The following NDST1 variants were observed in gnomAD, a reference collection of about 807,000 sequenced individuals.
NDST1 encodes the protein bifunctional heparan sulfate N-deacetylase/N-sulfotransferase 1.
In NDST1, 35 loss-of-function variants were observed where a neutral mutation model predicts 92.8. That is an observed-to-expected ratio of 0.38 (90% CI 0.29 to 0.50). The LOEUF (loss-of-function observed/expected upper bound fraction) is 0.50. NDST1 is among the 20% of genes least tolerant of loss of function. The probability of loss-of-function intolerance (pLI) is 0.94; values close to 1 mark genes in which losing one functional copy is unlikely to be tolerated. For missense variants in NDST1, 822 were observed against 1,182.7 expected, an observed-to-expected ratio of 0.69 and a Z score of 4.47; for synonymous variants, 493 against 500.3, an observed-to-expected ratio of 0.99 and a Z score of 0.19.
rs1418149028 is a variant in NDST1 at position 150,508,328 on chromosome 5, T to TGC, written c.-388+103_-388+104insCG. Reference sequence around the variant, plus strand: ...GTCCTTCCAGGTCCATCTGAGTGTGTGTGTGTGTGTGTGTGTGTGTGTGTC... The same window carrying TGC: ...GTCCTTCCAGGTCCATCTGAGTGTGTGCGTGTGTGTGTGTGTGTGTGTGTGTC... On this transcript the variant is annotated intron_variant, in intron 1 of 14. Transcript: ENST00000261797. The TGC allele has an allele frequency of 1.2e-3, 183 of 149,088 alleles. 1 individual carries two copies. Among genetic ancestry groups the TGC allele is most frequent in the African/African-American group, 4.0e-3 (160 of 39,882 alleles). 9.2% of individuals were successfully genotyped at this position (149,088 alleles called of 1,614,324 possible).
intron 6 of NDST1, 86 bp downstream of exon 6, chr5:150,535,971 G>A (rs950247810): frequency 5.7e-5 from 84 of 1,466,232 alleles, no homozygotes; most frequent in Non-Finnish European, 6.8e-5. Flanking sequence ...TGGTAAGCAC[G>A]GCTCTGGTTT....
At chr5:150,551,613 A>G (rs1755730566) in intron 13 of NDST1, 140 bp from the exon 14 acceptor site, 7 of 1,083,404 alleles carry the variant, frequency 6.5e-6, no homozygotes, top group Non-Finnish European at 8.1e-6. Flanking sequence ...CAGATGGCAC[A>G]TAGCTTCTGA....
In NDST1 at chr5:150,528,201, A is replaced by T; in HGVS notation, c.911A>T (p.Lys304Met). 6.2e-7 allele frequency: 1 copy of T among 1,614,188 alleles called. No homozygotes were observed. The highest frequency in any genetic ancestry group is 1.1e-5 in the South Asian group (1 of 91,086). Residue 304 changes from lysine to methionine, a missense_variant, in exon 3 of 15, where the codon AAG becomes ATG. By Grantham distance (95) the Lys-to-Met change is moderately conservative. Transcript: ENST00000261797. ...FVDAVAFLTG[K>M]RLSLPLDRYI... ...GATGCCGTGGCCTTCCTCACGGGGA[A>T]GCGCCTCTCCCTGCCATTGGACCGC...
At chr5:150,514,644 T>C (rs1753879050) in intron 1 of NDST1, among the ~76,000 whole-genome samples, 1 of 151,594 alleles carries the variant, frequency 6.6e-6, no homozygotes, top group East Asian at 1.9e-4. Context: ...AATTATAATG[T>C]TGTTGGTGTT....
At chr5:150,516,976 AGTGTGTGTGTGTGTGT>A (rs56170880) in intron 1 of NDST1, among the ~76,000 whole-genome samples, 28 of 143,708 alleles carry the variant, frequency 1.9e-4, no homozygotes, top group South Asian at 6.8e-4. Flanking sequence ...GACATTTTCT[AGTGTGTGTGTGTGTGT>A]GTGTGTGTGT....
chr5:150,536,236 A>G (rs1203921101), intron 6 of NDST1, among the ~76,000 whole-genome samples: 2 of 152,134 alleles, frequency 1.3e-5, no homozygotes, highest in Admixed American at 6.5e-5. Context: ...CTGTAATCCT[A>G]GCACTTTGGG....
At chr5:150,533,852 G>A (rs1754859168) in intron 4 of NDST1, among the ~76,000 whole-genome samples, 1 of 151,984 alleles carries the variant, frequency 6.6e-6, no homozygotes, top group African/African-American at 2.4e-5. Flanking sequence ...GGAGGGTGAG[G>A]TGGGCATATT....
Position 150,540,373 on chromosome 5 carries a change from C to CT in NDST1, c.1749+110dup, listed in dbSNP as rs945130811. 6.9e-5 allele frequency: 84 copies of CT among 1,214,896 alleles called. 1 individual carries two copies. In the Admixed American group the frequency reaches 8.1e-4, roughly 12 times the overall value. 75.3% of individuals were successfully genotyped at this position (1,214,896 alleles called of 1,614,324 possible). A position where few individuals can be genotyped will look rare whatever the true frequency, so the allele number is the denominator to read the frequency against. On this transcript the variant is annotated intron_variant, in intron 8 of 14. Coordinates refer to ENST00000261797, the MANE Select transcript of NDST1 (RefSeq NM_001543.5). ...GGCTCAGCCATCATGCCTTCACACTCTCGCTCGAATGTAAACTCAGGTCCC... is the reference window on the plus strand; with the variant it reads ...GGCTCAGCCATCATGCCTTCACACTCTTCGCTCGAATGTAAACTCAGGTCCC...
At chr5:150,499,464 C>A (rs142271032) in intron 1 of NDST1, among the ~76,000 whole-genome samples, 2 of 152,206 alleles carry the variant, frequency 1.3e-5, no homozygotes, top group Non-Finnish European at 2.9e-5. Flanking sequence ...CCTTTGTGGG[C>A]TCTTCTAAGG....
intron 11 of NDST1, 35 bp downstream of exon 11, chr5:150,545,521 A>AACACGGGGTGGAGTCCCTGTGTCGGGG: frequency 1.2e-6 from 2 of 1,608,960 alleles, no homozygotes; most frequent in Non-Finnish European, 8.5e-7. Flanking sequence ...CTGTGTCGGG[A>AACACGGGGTGGAGTCCCTGTGTCGGGG]ACACAGGGCT....
At chr5:150,498,666 T>A (rs80147358) in intron 1 of NDST1, among the ~76,000 whole-genome samples, 5,949 of 152,308 alleles carry the variant, frequency 0.039, 416 homozygotes, top group Admixed American at 0.17. Context: ...CTTTTGTCCC[T>A]CCATTGTCTC....
At chr5:150,537,744 C>T (rs1412550962) in intron 6 of NDST1, among the ~76,000 whole-genome samples, 3 of 152,232 alleles carry the variant, frequency 2.0e-5, no homozygotes, top group African/African-American at 4.8e-5. Context: ...CGTACGCTCC[C>T]TCCCCTTTCG....
chr5:150,534,844 C>T (rs1371051390), intron 4 of NDST1, 23 bp from the exon 5 acceptor site: 3 of 1,614,148 alleles, frequency 1.9e-6, no homozygotes, highest in African/African-American at 2.7e-5. Flanking sequence ...GTGGGTGGTT[C>T]TGAGCTGCCT....
Position 150,535,009 on chromosome 5 carries a change from G to T in NDST1, c.1239G>T (p.Lys413Asn), listed in dbSNP as rs1180877278. ...TGGCCGAGCAGATGGCCTTGAACAA[G>T]AAGTTCGCTGTCGTGAGTAAGATTC... ...SVLAEQMALN[K>N]KFAVEHGIPT... The change falls in exon 5 of 15, where the codon AAG becomes AAT. Residue 413 changes from lysine to asparagine, a missense_variant. Transcript: ENST00000261797. 19 of 1,614,120 alleles carry T rather than the reference G, an allele frequency of 1.2e-5. No individual in the cohort carries two copies. Among genetic ancestry groups the T allele is most frequent in the Non-Finnish European group, 1.5e-5 (18 of 1,179,970 alleles).
chr5:150,508,557 G>A (rs1487239017), intron 1 of NDST1, among the ~76,000 whole-genome samples: 1 of 152,166 alleles, frequency 6.6e-6, no homozygotes, highest in Non-Finnish European at 1.5e-5. Flanking sequence ...CAGACAGCTA[G>A]GCATGTCCAC....
chr5:150,509,122 G>A (rs1753598503), intron 1 of NDST1, among the ~76,000 whole-genome samples: 1 of 152,166 alleles, frequency 6.6e-6, no homozygotes, highest in South Asian at 2.1e-4. Context: ...TGGTTTCCAG[G>A]CCCGCATGGA....
chr5:150,524,333 G>A (rs1754373608), intron 2 of NDST1, among the ~76,000 whole-genome samples: 1 of 152,236 alleles, frequency 6.6e-6, no homozygotes, highest in African/African-American at 2.4e-5. Flanking sequence ...AACAGCAGTG[G>A]TAGCACTGTG....
At chr5:150,531,500 C>CTTTT (rs35747232) in intron 3 of NDST1, among the ~76,000 whole-genome samples, 42 of 131,138 alleles carry the variant, frequency 3.2e-4, no homozygotes, top group African/African-American at 1.0e-3. Context: ...CTTTTTCTCT[C>CTTTT]TTTTTTTTTT....
In NDST1 at chr5:150,521,284, G is replaced by A; in HGVS notation, c.30G>A (p.Leu10=). 6.2e-6 allele frequency: 10 copies of A among 1,611,810 alleles called. No homozygotes were observed. The highest frequency in any genetic ancestry group is 8.5e-6 in the Non-Finnish European group (10 of 1,179,800). MPALACLRR[L]CRHVSPQAVL... is the part of the protein sequence containing the mutation. The stretch of plus-strand genomic sequence containing the variant: ...CTGCCCTGGCATGCCTCCGGAGGCT[G>A]TGTCGGCACGTGTCCCCGCAGGCTG... Residue 10 remains leucine, a synonymous_variant, in exon 2 of 15, where the codon CTG becomes CTA. Coordinates refer to ENST00000261797, the MANE Select transcript of NDST1 (RefSeq NM_001543.5). This position sits in a 1 kb window ranked among gnomAD's most constrained non-coding sequence, Gnocchi z 5.9.
Sources: allele counts gnomAD v4.1 joint callset (sites outside exome capture counted in the v4.1 genomes callset), GRCh38; gene constraint gnomAD v4.1.1; non-coding constraint Gnocchi (gnomAD v3.1); transcripts MANE v1.5; gene names NCBI Gene and HGNC (gene_info 2026-07-23, HGNC 2026-07-21).